The following PEX5L variants were observed in gnomAD, a reference collection of about 807,000 sequenced individuals.
PEX5L encodes peroxisomal biogenesis factor 5 like, also known as PEX5-related protein.
Under a neutral mutation model 84.0 loss-of-function variants are expected in PEX5L, and 30 were observed. The ratio of observed to expected loss-of-function variants is 0.36; its 90% CI spans 0.27 to 0.48. PEX5L has a LOEUF of 0.48. Ranked by LOEUF, PEX5L falls within the 20% of genes least tolerant of loss-of-function variation. PEX5L has a pLI of 0.99. For synonymous variants in PEX5L, 270 were observed against 283.1 expected (o/e 0.95, Z 0.46); for missense variants, 533 against 754.6 (o/e 0.71, Z 3.44).
intron 8 of PEX5L, chr3:179,820,454 T>C (rs1001999383): frequency 6.5e-6 from 1 of 153,968 alleles, no homozygotes; most frequent in African/African-American, 2.4e-5. Context: ...AAACAGAGCC[T>C]GGAGGGTTAT....
intron 8 of PEX5L, among the ~76,000 whole-genome samples, chr3:179,827,247 G>A (rs1483376693): frequency 6.6e-6 from 1 of 152,148 alleles, no homozygotes; most frequent in Non-Finnish European, 1.5e-5. Context: ...TTGAGGCTAG[G>A]CCCTAAAAGG....
At chr3:179,840,959 T>C (rs767329746) in intron 8 of PEX5L, among the ~76,000 whole-genome samples, 46 of 152,126 alleles carry the variant, frequency 3.0e-4, no homozygotes, top group Admixed American at 2.4e-3. Flanking sequence ...AGGTCAATAT[T>C]GAAAAATCAG....
At chr3:180,001,925 T>C (rs1026607896) in intron 1 of PEX5L, among the ~76,000 whole-genome samples, 19 of 152,268 alleles carry the variant, frequency 1.2e-4, no homozygotes, top group African/African-American at 4.3e-4. Flanking sequence ...TAGGTAAATA[T>C]ATTTAACCAT....
intron 2 of PEX5L, among the ~76,000 whole-genome samples, chr3:179,956,754 G>A (rs1246828465): frequency 6.6e-6 from 1 of 152,118 alleles, no homozygotes; most frequent in Non-Finnish European, 1.5e-5. Context: ...GAGGTTTTAC[G>A]GAGCGACGCA....
chr3:179,807,935 A>C, intron 13 of PEX5L, 104 bp from the exon 14 acceptor site: 1 of 1,049,740 alleles, frequency 9.5e-7, no homozygotes, highest in Non-Finnish European at 1.4e-6. Context: ...AAATTTATGC[A>C]GTGCTCATGG....
At chr3:179,916,643 C>T (rs1767208812) in intron 2 of PEX5L, among the ~76,000 whole-genome samples, 1 of 151,626 alleles carries the variant, frequency 6.6e-6, no homozygotes, top group African/African-American at 2.4e-5. Flanking sequence ...ACTGTAACTG[C>T]TGTACTTTAT....
intron 1 of PEX5L, among the ~76,000 whole-genome samples, chr3:179,981,569 AT>A (rs1786334784): frequency 6.6e-6 from 1 of 152,148 alleles, no homozygotes; most frequent in South Asian, 2.1e-4. Flanking sequence ...AAGCATCTAT[AT>A]TTTTCTGTAG....
intron 8 of PEX5L, among the ~76,000 whole-genome samples, chr3:179,831,183 C>A (rs1335334218): frequency 6.6e-6 from 1 of 151,778 alleles, no homozygotes; most frequent in Non-Finnish European, 1.5e-5. Context: ...GGCATGGTGG[C>A]GGGTGCCTGT....
At chr3:180,002,053 C>T (rs777901930) in intron 1 of PEX5L, among the ~76,000 whole-genome samples, 1 of 152,128 alleles carries the variant, frequency 6.6e-6, no homozygotes, top group Non-Finnish European at 1.5e-5. Flanking sequence ...CACCTAAATC[C>T]ATCTTCATAG....
At chr3:179,892,278 C>T (rs540073142) in intron 3 of PEX5L, among the ~76,000 whole-genome samples, 1 of 152,238 alleles carries the variant, frequency 6.6e-6, no homozygotes, top group Non-Finnish European at 1.5e-5. Flanking sequence ...ATAATGGTGA[C>T]AGATTCTTAT....
At chr3:179,862,593 T>C (rs1220605162) in intron 7 of PEX5L, among the ~76,000 whole-genome samples, 1 of 152,208 alleles carries the variant, frequency 6.6e-6, no homozygotes, top group East Asian at 1.9e-4. Flanking sequence ...ACCAACTCTA[T>C]TGTCTTCCTG....
intron 1 of PEX5L, among the ~76,000 whole-genome samples, chr3:180,026,301 C>T (rs1397588133): frequency 6.6e-6 from 1 of 151,892 alleles, no homozygotes; most frequent in East Asian, 1.9e-4. Flanking sequence ...TTAATCTTTC[C>T]TCAAGCTTAA....
intron 5 of PEX5L, among the ~76,000 whole-genome samples, chr3:179,879,492 T>C (rs570638047): frequency 2.6e-5 from 4 of 152,192 alleles, no homozygotes; most frequent in Admixed American, 6.5e-5. Context: ...CATCAAATGG[T>C]AGCTGTTATT....
rs540781431 is a variant in PEX5L at position 179,801,962 on chromosome 3, G to A, written c.1747C>T (p.His583Tyr). The A allele has an allele frequency of 6.2e-7, 1 of 1,613,860 alleles. No homozygotes were observed. The highest frequency in any genetic ancestry group is 1.7e-5 in the Admixed American group (1 of 60,028). The part of the protein sequence containing the change: ...RKSRNQQQVP[H>Y]PAISGNIWAA... Reference sequence around the variant, plus strand: ...CAGATATTCCCAGAGATTGCAGGATGAGGAACTTGCTGCTGATTCCTGCTC... The same window carrying A: ...CAGATATTCCCAGAGATTGCAGGATAAGGAACTTGCTGCTGATTCCTGCTC... The change falls in exon 15 of 15, where the codon CAT becomes TAT. Residue 583 changes from histidine to tyrosine, a missense_variant. Physicochemically the swap from His to Tyr is moderately conservative, Grantham distance 83. Transcript: ENST00000467460.
rs1438437337 is a variant in PEX5L at position 179,797,588 on chromosome 3, TTAAAAA to T, written c.*4234_*4239del. On this transcript the variant is annotated 3_prime_UTR_variant, in exon 15 of 15. Transcript: ENST00000467460. ...GCCAGAGTTTATCTATGAACACTCTTTAAAAAAAAAAAAAAAAATATATATATATAT... is the reference window on the plus strand; with the variant it reads ...GCCAGAGTTTATCTATGAACACTCTTAAAAAAAAAAAATATATATATATAT... 1.7e-3 allele frequency: 89 copies of T among 51,852 alleles called. 1 individual carries two copies. Among genetic ancestry groups the T allele is most frequent in the African/African-American group, 6.0e-3 (88 of 14,754 alleles). The allele number at this position is 51,852 out of a possible 1,614,324, so 3.2% of individuals were successfully genotyped here.
intron 3 of PEX5L, among the ~76,000 whole-genome samples, chr3:179,889,675 C>CTT (rs1016729000): frequency 2.0e-5 from 3 of 152,112 alleles, no homozygotes; most frequent in African/African-American, 7.2e-5. Flanking sequence ...TAGGATGCTG[C>CTT]TTTGACTCAT....
chr3:179,802,532 CAAA>C (rs369244711), intron 14 of PEX5L, among the ~76,000 whole-genome samples: 5 of 73,892 alleles, frequency 6.8e-5, no homozygotes, highest in Admixed American at 3.1e-4. Flanking sequence ...GAGACTGTCT[CAAA>C]AAAAAAAAAA....
At chr3:180,015,603 G>C (rs1789876297) in intron 1 of PEX5L, among the ~76,000 whole-genome samples, 1 of 151,914 alleles carries the variant, frequency 6.6e-6, no homozygotes, top group South Asian at 2.1e-4. Context: ...TTGTTCCTTA[G>C]TGTTTTCATG....
chr3:179,940,611 T>G (rs541161599), intron 2 of PEX5L, among the ~76,000 whole-genome samples: 1 of 152,244 alleles, frequency 6.6e-6, no homozygotes, highest in South Asian at 2.1e-4. Context: ...AGTTATATAC[T>G]GGACATAGAA....
Sources: allele counts gnomAD v4.1 joint callset (sites outside exome capture counted in the v4.1 genomes callset), GRCh38; gene constraint gnomAD v4.1.1; transcripts MANE v1.5; gene names NCBI Gene and HGNC (gene_info 2026-07-23, HGNC 2026-07-21).